Variants in AFG2A observed in about 807,000 individuals in gnomAD.
AFG2A encodes ATPase family gene 2 protein homolog A.
the AFG2A span, among the ~76,000 whole-genome samples, chr4:123,248,299 A>AT: frequency 1.3e-5 from 2 of 152,178 alleles, no homozygotes; most frequent in East Asian, 3.8e-4. Flanking sequence ...GCTCTCATGG[A>AT]TTTTACATAC....
the AFG2A span, among the ~76,000 whole-genome samples, chr4:123,007,644 C>A: frequency 2.0e-4 from 6 of 29,300 alleles, no homozygotes; most frequent in Non-Finnish European, 2.6e-4. Flanking sequence ...ACACACACAA[C>A]ACACACACAC....
chr4:123,163,239 G>T, the AFG2A span, among the ~76,000 whole-genome samples: 1 of 152,130 alleles, frequency 6.6e-6, no homozygotes, highest in Admixed American at 6.5e-5. Flanking sequence ...TTCAAGACTA[G>T]CCTGGCCAAC....
chr4:122,978,618 C>T, the AFG2A span, among the ~76,000 whole-genome samples: 1 of 152,182 alleles, frequency 6.6e-6, no homozygotes, highest in Non-Finnish European at 1.5e-5. Flanking sequence ...TGCCCAGGAG[C>T]CTCTCTGCCT....
the AFG2A span, among the ~76,000 whole-genome samples, chr4:123,231,571 A>G: frequency 6.6e-6 from 1 of 151,994 alleles, no homozygotes; most frequent in Non-Finnish European, 1.5e-5. Context: ...TCATGTGTTC[A>G]CTAGAGTAGC....
At chr4:122,961,660 A>G in the AFG2A span, among the ~76,000 whole-genome samples, 2 of 152,146 alleles carry the variant, frequency 1.3e-5, no homozygotes, top group African/African-American at 4.8e-5. Flanking sequence ...ATGCACTACA[A>G]CGCCTGGCTA....
the AFG2A span, among the ~76,000 whole-genome samples, chr4:123,091,232 G>T: frequency 2.0e-5 from 3 of 152,196 alleles, no homozygotes; most frequent in African/African-American, 7.2e-5. Context: ...ATTCTTGAGA[G>T]CTACGATGGG....
At chr4:123,142,785 C>T in the AFG2A span, among the ~76,000 whole-genome samples, 1 of 152,048 alleles carries the variant, frequency 6.6e-6, no homozygotes, top group East Asian at 1.9e-4. Context: ...AAATAATCTG[C>T]AGTATACATG....
the AFG2A span, among the ~76,000 whole-genome samples, chr4:122,999,095 C>G: frequency 6.8e-6 from 1 of 146,330 alleles, no homozygotes; most frequent in African/African-American, 2.5e-5. Context: ...TGTCTTTTGG[C>G]TGCATAAATG....
chr4:122,973,454 G>GT, the AFG2A span, among the ~76,000 whole-genome samples: 3 of 144,090 alleles, frequency 2.1e-5, no homozygotes, highest in Admixed American at 6.8e-5. Flanking sequence ...CCACTTGTAT[G>GT]TTTTTTTTCC....
At chr4:123,182,973 C>T in the AFG2A span, among the ~76,000 whole-genome samples, 1 of 152,298 alleles carries the variant, frequency 6.6e-6, no homozygotes, top group East Asian at 1.9e-4. Context: ...TAACTTAGTA[C>T]AGTACTTTCC....
chr4:123,051,471 A>G, the AFG2A span, among the ~76,000 whole-genome samples: 1 of 151,960 alleles, frequency 6.6e-6, no homozygotes, highest in Non-Finnish European at 1.5e-5. Flanking sequence ...TTGTACTTGT[A>G]ATTATTTTTA....
At chr4:123,304,326 A>G in the AFG2A span, among the ~76,000 whole-genome samples, 9 of 152,274 alleles carry the variant, frequency 5.9e-5, no homozygotes, top group African/African-American at 1.9e-4. Flanking sequence ...CCACATGAGC[A>G]CATAATCTCC....
the AFG2A span, among the ~76,000 whole-genome samples, chr4:123,118,080 A>G: frequency 1.5e-4 from 23 of 151,522 alleles, no homozygotes; most frequent in Admixed American, 1.5e-3. Context: ...ATTTTTTAAA[A>G]GATATTTTGT....
chr4:123,016,611 G>C, the AFG2A span, among the ~76,000 whole-genome samples: 1 of 150,820 alleles, frequency 6.6e-6, no homozygotes, highest in Non-Finnish European at 1.5e-5. Flanking sequence ...GATGGCGGCC[G>C]GGCAGAGACG....
the AFG2A span, among the ~76,000 whole-genome samples, chr4:123,074,313 T>C: frequency 6.6e-6 from 1 of 152,066 alleles, no homozygotes; most frequent in South Asian, 2.1e-4. Context: ...CAGGCTGGTC[T>C]TGAACTCCTG....
At chr4:123,075,875 T>C in the AFG2A span, among the ~76,000 whole-genome samples, 2 of 151,516 alleles carry the variant, frequency 1.3e-5, no homozygotes, top group Admixed American at 1.3e-4. Context: ...GAGAATCACT[T>C]GAACCCAGGA....
chr4:123,258,920 G>A, the AFG2A span, among the ~76,000 whole-genome samples: 1 of 142,648 alleles, frequency 7.0e-6, no homozygotes, highest in Non-Finnish European at 1.5e-5. Context: ...AGGCTGGAGT[G>A]CAGTGGCACG....
the AFG2A span, among the ~76,000 whole-genome samples, chr4:122,950,403 G>A: frequency 2.0e-5 from 3 of 151,062 alleles, no homozygotes; most frequent in Admixed American, 6.6e-5. Context: ...GCAATGGCGC[G>A]ATCTCGGCTC....
At chr4:123,071,007 A>T in the AFG2A span, among the ~76,000 whole-genome samples, 4 of 152,360 alleles carry the variant, frequency 2.6e-5, no homozygotes, top group South Asian at 8.3e-4. Flanking sequence ...TAATCTGCTT[A>T]AATTTCTAGG....
Sources: allele counts gnomAD v4.1 joint callset (sites outside exome capture counted in the v4.1 genomes callset), GRCh38; gene constraint gnomAD v4.1.1; transcripts MANE v1.5; gene names NCBI Gene and HGNC (gene_info 2026-07-23, HGNC 2026-07-21).